Variants in C12orf42 observed in about 807,000 individuals in gnomAD.
C12orf42 encodes the protein chromosome 12 open reading frame 42.
Under a neutral mutation model 21.6 loss-of-function variants are expected in C12orf42, and 25 were observed. The observed-to-expected ratio is 1.16, with a 90% CI of 0.84 to 1.62. The LOEUF is 1.62. C12orf42 is among the 40% of genes most tolerant of loss of function. The pLI, the probability that C12orf42 is intolerant of heterozygous loss-of-function variation, is 0.00. For synonymous variants in C12orf42, 174 were observed against 175.0 expected (o/e 0.99, Z 0.05); for missense variants, 483 against 459.3 (o/e 1.05, Z -0.47).
chr12:103,512,471 T>C, the C12orf42 span, among the ~76,000 whole-genome samples: 1 of 152,216 alleles, frequency 6.6e-6, no homozygotes, highest in Non-Finnish European at 1.5e-5. Flanking sequence ...AGGATTGAAA[T>C]GTTTCTGACA....
At chr12:103,198,982 T>G in the C12orf42 span, among the ~76,000 whole-genome samples, 1 of 152,146 alleles carries the variant, frequency 6.6e-6, no homozygotes. Flanking sequence ...AAAAATAATA[T>G]TAGAAGACCC....
the C12orf42 span, among the ~76,000 whole-genome samples, chr12:103,108,176 A>G: frequency 8.6e-5 from 13 of 151,584 alleles, no homozygotes; most frequent in Non-Finnish European, 1.0e-4. Context: ...ATCTATATCC[A>G]AAATTTCTTT....
At chr12:103,337,421 G>A (rs1406279540) in intron 4 of C12orf42, among the ~76,000 whole-genome samples, 4 of 152,118 alleles carry the variant, frequency 2.6e-5, no homozygotes, top group Non-Finnish European at 2.9e-5. Context: ...CGCAATCTTG[G>A]CTCACTGCAA....
At chr12:103,173,482 G>A in the C12orf42 span, among the ~76,000 whole-genome samples, 2 of 152,028 alleles carry the variant, frequency 1.3e-5, no homozygotes, top group African/African-American at 2.4e-5. Context: ...GAATCTAAAA[G>A]CCCCTGCCTG....
chr12:103,119,750 G>T, the C12orf42 span, among the ~76,000 whole-genome samples: 1 of 152,174 alleles, frequency 6.6e-6, no homozygotes, highest in Admixed American at 6.5e-5. Flanking sequence ...AATAAATTGG[G>T]ATAGAGTCTT....
In C12orf42 at chr12:103,305,959, C is replaced by A. The variant is rs1198876334; in HGVS notation, c.631+15G>T. ...TTGAAACAAGAAGAGTCAGTAACCA[C>A]AACATGATACTTACCAGAATTTTTC... On this transcript the variant is annotated intron_variant, in intron 5 of 5. Coordinates refer to ENST00000548883, the MANE Select transcript of C12orf42 (RefSeq NM_198521.5). 6.3e-7 allele frequency: 1 copy of A among 1,586,650 alleles called. No individual in the cohort carries two copies. Among genetic ancestry groups the A allele is most frequent in the Non-Finnish European group, 8.6e-7 (1 of 1,162,348 alleles).
chr12:103,205,195 G>A, the C12orf42 span, among the ~76,000 whole-genome samples: 12 of 152,292 alleles, frequency 7.9e-5, no homozygotes, highest in African/African-American at 2.6e-4. Flanking sequence ...TAAGCTGTTC[G>A]ATGTTATCTT....
chr12:103,501,343 A>G, the C12orf42 span, among the ~76,000 whole-genome samples: 1 of 152,248 alleles, frequency 6.6e-6, no homozygotes, highest in East Asian at 1.9e-4. Context: ...AAAAGGAGAT[A>G]AAAGTGTGCC....
Position 103,488,070 on chromosome 12 carries a change from G to T in C12orf42, c.-22+7832C>A, listed in dbSNP as rs561988806. On this transcript the variant is annotated intron_variant, in intron 1 of 5. Transcript: ENST00000548883. ...TAGCACTGATGGTCTTTACAATTTGGCATGTTTTTGCAGTGGCTGGTACTG... is the reference window on the plus strand; with the variant it reads ...TAGCACTGATGGTCTTTACAATTTGTCATGTTTTTGCAGTGGCTGGTACTG... Among the ~76,000 whole-genome samples, 6 of 152,272 alleles carry T rather than the reference G, an allele frequency of 3.9e-5. No homozygotes were observed. The East Asian group carries it at 1.2e-3, about 29-fold the overall frequency.
chr12:103,335,497 T>C (rs542766618), intron 4 of C12orf42, among the ~76,000 whole-genome samples: 2 of 152,320 alleles, frequency 1.3e-5, no homozygotes, highest in Admixed American at 6.5e-5. Flanking sequence ...TGGTGCAAGA[T>C]AAAAATACCT....
At chr12:103,173,122 A>T in the C12orf42 span, among the ~76,000 whole-genome samples, 1 of 152,106 alleles carries the variant, frequency 6.6e-6, no homozygotes, top group African/African-American at 2.4e-5. Flanking sequence ...GAGTTCAGTG[A>T]TTTGTTTAGG....
intron 1 of C12orf42, among the ~76,000 whole-genome samples, chr12:103,491,899 T>G (rs1385538059): frequency 1.3e-5 from 2 of 152,198 alleles, no homozygotes; most frequent in Non-Finnish European, 2.9e-5. Context: ...AAGGAATTCC[T>G]GACTTCCCAA....
the C12orf42 span, among the ~76,000 whole-genome samples, chr12:103,069,683 CT>C: frequency 1.3e-4 from 20 of 152,276 alleles, no homozygotes; most frequent in African/African-American, 4.6e-4. Context: ...CAGGGGCTGT[CT>C]GTATTTGATA....
At chr12:103,078,723 G>A in the C12orf42 span, among the ~76,000 whole-genome samples, 1 of 152,122 alleles carries the variant, frequency 6.6e-6, no homozygotes, top group African/African-American at 2.4e-5. Flanking sequence ...TTGTTTGCAC[G>A]GTCTATTTTA....
the C12orf42 span, among the ~76,000 whole-genome samples, chr12:103,104,348 G>C: frequency 6.6e-6 from 1 of 152,204 alleles, no homozygotes; most frequent in African/African-American, 2.4e-5. Context: ...AGTGAAGACT[G>C]AACAAACAAA....
chr12:103,140,801 G>A, the C12orf42 span, among the ~76,000 whole-genome samples: 1 of 151,996 alleles, frequency 6.6e-6, no homozygotes, highest in Non-Finnish European at 1.5e-5. Flanking sequence ...TGAATTGCAG[G>A]CCACAGAGGC....
chr12:103,163,758 T>C, the C12orf42 span, among the ~76,000 whole-genome samples: 5 of 152,294 alleles, frequency 3.3e-5, no homozygotes, highest in South Asian at 8.3e-4. Context: ...ATTAGCTGTG[T>C]GATATGGGGT....
At chr12:103,512,774 CGGGT>C in the C12orf42 span, among the ~76,000 whole-genome samples, 1 of 151,938 alleles carries the variant, frequency 6.6e-6, no homozygotes, top group Non-Finnish European at 1.5e-5. Flanking sequence ...GAAGCCAAGG[CGGGT>C]GGATCACGAG....
chr12:103,438,823 C>T (rs992155295), intron 2 of C12orf42, among the ~76,000 whole-genome samples: 3 of 151,028 alleles, frequency 2.0e-5, no homozygotes, highest in African/African-American at 7.3e-5. Flanking sequence ...GTGAAAATGG[C>T]CATACCACCC....
Sources: allele counts gnomAD v4.1 joint callset (sites outside exome capture counted in the v4.1 genomes callset), GRCh38; gene constraint gnomAD v4.1.1; transcripts MANE v1.5; gene names NCBI Gene and HGNC (gene_info 2026-07-23, HGNC 2026-07-21).